The following CSMD2 variants were observed in gnomAD, a reference collection of about 807,000 sequenced individuals.
The protein encoded by CSMD2 is CUB and sushi domain-containing protein 2.
In CSMD2, 130 loss-of-function variants were observed where a neutral mutation model predicts 398.5. The observed-to-expected ratio is 0.33, with a 90% CI of 0.28 to 0.38. CSMD2 has a LOEUF of 0.38. Ranked by LOEUF, CSMD2 falls within the 10% of genes least tolerant of loss-of-function variation. The pLI, the probability that CSMD2 is intolerant of heterozygous loss-of-function variation, is 1.00. For synonymous variants in CSMD2, 1,828 were observed against 1,908.5 expected (o/e 0.96, Z 1.10); for missense variants, 3,829 against 4,764.9 (o/e 0.80, Z 5.78).
rs563755252 is a variant in CSMD2 at position 33,610,842 on chromosome 1, G to A, written c.6343+199C>T. On this transcript the variant is annotated intron_variant, in intron 41 of 70. Transcript: ENST00000373381. ...CTGTTGGGCCTGCCACTCTTGAAAA[G>A]GCTGTGGGAGAACTTAAGCTGACAA... Among the ~76,000 whole-genome samples, 30 of 152,242 alleles carry A rather than the reference G, an allele frequency of 2.0e-4. No individual in the cohort carries two copies. In the East Asian group the frequency reaches 4.6e-3, roughly 23 times the overall value.
At chr1:33,985,092 A>G (rs776770029) in intron 3 of CSMD2, among the ~76,000 whole-genome samples, 2 of 152,196 alleles carry the variant, frequency 1.3e-5, no homozygotes, top group Non-Finnish European at 2.9e-5. Context: ...CATCATATTC[A>G]AGCCAAGTGT....
chr1:34,119,528 G>A (rs148769833), intron 1 of CSMD2, among the ~76,000 whole-genome samples: 16 of 145,250 alleles, frequency 1.1e-4, no homozygotes, highest in African/African-American at 3.8e-4. Context: ...ATTATCTGGT[G>A]AGTGGCTATA....
chr1:34,083,653 TATCTGTA>T (rs1182656795), intron 2 of CSMD2, among the ~76,000 whole-genome samples: 1 of 152,208 alleles, frequency 6.6e-6, no homozygotes, highest in Non-Finnish European at 1.5e-5. Context: ...TGGAGGCTCA[TATCTGTA>T]ATCCTAGCAC....
At chr1:33,693,409 A>G (rs909684921) in intron 24 of CSMD2, among the ~76,000 whole-genome samples, 2 of 152,214 alleles carry the variant, frequency 1.3e-5, no homozygotes, top group Admixed American at 1.3e-4. Flanking sequence ...ATATCACTTC[A>G]CACCCACTGG....
chr1:34,105,377 A>G (rs933372867), intron 1 of CSMD2, among the ~76,000 whole-genome samples: 1 of 151,908 alleles, frequency 6.6e-6, no homozygotes, highest in Non-Finnish European at 1.5e-5. Context: ...CCCTAGGGGG[A>G]AAATCACCTC....
At chr1:33,952,669 G>A (rs1645042124) in intron 3 of CSMD2, among the ~76,000 whole-genome samples, 1 of 148,086 alleles carries the variant, frequency 6.8e-6, no homozygotes, top group Non-Finnish European at 1.5e-5. Context: ...TCTTGTTTTT[G>A]TTGTTTACAC....
intron 5 of CSMD2, chr1:33,873,843 C>A (rs1443824782): frequency 1.3e-5 from 2 of 152,240 alleles, no homozygotes; most frequent in Non-Finnish European, 2.9e-5. Context: ...CAGCAACAGA[C>A]ACCTAACGCA....
At chr1:34,058,869 C>T (rs1654155517) in intron 2 of CSMD2, among the ~76,000 whole-genome samples, 1 of 152,176 alleles carries the variant, frequency 6.6e-6, no homozygotes, top group Non-Finnish European at 1.5e-5. Context: ...AAGCTGGAAG[C>T]CATGGATGCT....
rs74856754 is a variant in CSMD2, at chr1:33,571,987, T to G, written c.7763-261A>C. Reference sequence around the variant, plus strand: ...CAAGGTTGACTATTGAATGTTTGAGTTGCATTTGATTAGATTTTCATTTTT... The same window carrying G: ...CAAGGTTGACTATTGAATGTTTGAGGTGCATTTGATTAGATTTTCATTTTT... On this transcript the variant is annotated intron_variant, in intron 50 of 70. Transcript: ENST00000373381. 8.3e-3 allele frequency among the ~76,000 whole-genome samples: 1,257 copies of G among 152,196 alleles called. 13 individuals carry two copies. Among genetic ancestry groups the G allele is most frequent in the African/African-American group, 0.029 (1,184 of 41,520 alleles).
chr1:33,854,474 G>A (rs528051970), intron 5 of CSMD2, among the ~76,000 whole-genome samples: 136 of 152,300 alleles, frequency 8.9e-4, no homozygotes, highest in Middle Eastern at 3.4e-3. Flanking sequence ...CCAGTGCCAC[G>A]CGGGCTTCAC....
intron 48 of CSMD2, 40 bp from the exon 49 acceptor site, chr1:33,577,524 G>A: frequency 6.4e-7 from 1 of 1,561,094 alleles, no homozygotes; most frequent in Non-Finnish European, 8.7e-7. Flanking sequence ...GGCACCAGCA[G>A]GAAGACAGAC....
intron 3 of CSMD2, among the ~76,000 whole-genome samples, chr1:33,979,035 C>G (rs1646069140): frequency 6.6e-6 from 1 of 152,222 alleles, no homozygotes; most frequent in Non-Finnish European, 1.5e-5. Flanking sequence ...ACCCTCCCAT[C>G]ATTGCAGGTA....
rs370416590 is a variant in CSMD2 at position 33,569,416 on chromosome 1, T to C, written c.8089A>G (p.Met2697Val). ...GAGCCACTCCAGAGCCCATTGGCCA[T>C]GCACTCACGCACCCTGGAGCCCACC... The part of the protein sequence containing the change: ...TLVGSRVREC[M>V]ANGLWSGSEV... The change falls in exon 52 of 71, where the codon ATG (methionine) becomes GTG (valine). Residue 2697 changes from methionine (M) to valine (V), a missense_variant. Around this residue, in one of 5 missense-constraint regions of CSMD2, gnomAD observed 723 missense variants for 758.6 expected, o/e 0.95. Coordinates refer to ENST00000373381, the MANE Select transcript of CSMD2 (RefSeq NM_001281956.2). 3.1e-6 allele frequency: 5 copies of C among 1,614,140 alleles called. No individual in the cohort carries two copies. The highest frequency in any genetic ancestry group is 1.1e-5 in the South Asian group (1 of 91,014).
At chr1:34,089,957 C>T (rs2148369253) in intron 1 of CSMD2, among the ~76,000 whole-genome samples, 1 of 152,294 alleles carries the variant, frequency 6.6e-6, no homozygotes, top group South Asian at 2.1e-4. Flanking sequence ...TCTATACTTT[C>T]TGTCTCCATT....
intron 1 of CSMD2, among the ~76,000 whole-genome samples, chr1:34,103,309 TTC>T (rs1436528635): frequency 0.013 from 1,691 of 129,976 alleles, 62 homozygotes; most frequent in Non-Finnish European, 0.019. Flanking sequence ...TTTTTTTTTT[TTC>T]TTTCTGAGCC....
intron 24 of CSMD2, among the ~76,000 whole-genome samples, chr1:33,695,238 T>C (rs579084): frequency 0.029 from 4,339 of 152,128 alleles, 193 homozygotes; most frequent in African/African-American, 0.099. Context: ...GAGATGGGAC[T>C]GGAAAGGTGA....
chr1:34,094,287 G>C (rs200769325), intron 1 of CSMD2, among the ~76,000 whole-genome samples: 2,729 of 150,024 alleles, frequency 0.018, 52 homozygotes, highest in East Asian at 0.052. Flanking sequence ...ACAACCGGTA[G>C]CAGCCACTGC....
chr1:33,579,063 G>A (rs372189825), intron 48 of CSMD2, among the ~76,000 whole-genome samples: 7 of 152,080 alleles, frequency 4.6e-5, no homozygotes, highest in South Asian at 2.1e-4. Flanking sequence ...TAATTGTTGC[G>A]CCATGTAATT....
At chr1:33,542,242 G>A (rs188421769) in intron 58 of CSMD2, among the ~76,000 whole-genome samples, 293 of 152,294 alleles carry the variant, frequency 1.9e-3, no homozygotes, top group African/African-American at 6.3e-3. Flanking sequence ...AGGCTACACC[G>A]TGCTCAGGAA....
Sources: gnomAD v4.1 joint callset for allele counts (sites outside exome capture counted in the v4.1 genomes callset) on GRCh38, gnomAD v4.1.1 for gene constraint, gnomAD v4.1.1 regional missense constraint, MANE v1.5 for transcripts, NCBI Gene and HGNC (gene_info 2026-07-23, HGNC 2026-07-21) for gene names.